The following CFAP107 variants were observed in gnomAD, a reference collection of about 807,000 sequenced individuals.
The protein encoded by CFAP107 is cilia- and flagella-associated protein 107.
the CFAP107 span, among the ~76,000 whole-genome samples, chr1:12,754,343 T>C: frequency 6.6e-6 from 1 of 152,234 alleles, no homozygotes; most frequent in South Asian, 2.1e-4. Flanking sequence ...CACCCTTTAG[T>C]ATGGCTAGTA....
the CFAP107 span, chr1:12,746,312 G>T: frequency 1.5e-6 from 1 of 670,708 alleles, no homozygotes. Flanking sequence ...AGCCATTCAG[G>T]AGGCCAGCTG....
At chr1:12,750,330 C>T in the CFAP107 span, among the ~76,000 whole-genome samples, 1 of 152,114 alleles carries the variant, frequency 6.6e-6, no homozygotes, top group South Asian at 2.1e-4. Flanking sequence ...CAAAAATCTA[C>T]AAGACATACA....
the CFAP107 span, among the ~76,000 whole-genome samples, chr1:12,757,370 T>TC: frequency 6.9e-6 from 1 of 145,724 alleles, no homozygotes; most frequent in African/African-American, 2.6e-5. Context: ...TCTTTTTCTT[T>TC]TTTTTCCTTT....
At chr1:12,763,509 C>T in the CFAP107 span, 6 of 152,146 alleles carry the variant, frequency 3.9e-5, no homozygotes, top group African/African-American at 1.2e-4. Context: ...TGGCTTGGGC[C>T]ATGGGGGCAA....
chr1:12,746,575 A>C, the CFAP107 span: 1 of 1,468,264 alleles, frequency 6.8e-7, no homozygotes, highest in Non-Finnish European at 9.5e-7. Flanking sequence ...GAGAGGGCTC[A>C]GAGGGACTGA....
chr1:12,759,279 A>C, the CFAP107 span: 265 of 1,607,320 alleles, frequency 1.6e-4, no homozygotes, highest in Admixed American at 3.3e-4. Flanking sequence ...CGCTCCTATC[A>C]GTAACGAGCC....
chr1:12,749,539 A>T, the CFAP107 span, among the ~76,000 whole-genome samples: 2 of 152,184 alleles, frequency 1.3e-5, no homozygotes, highest in African/African-American at 4.8e-5. Flanking sequence ...TGAGCCTGGG[A>T]GGTGGAGGTT....
At chr1:12,755,579 C>T in the CFAP107 span, 1 of 724,404 alleles carries the variant, frequency 1.4e-6, no homozygotes, top group Non-Finnish European at 2.5e-6. Context: ...GGCAGGGTGT[C>T]CAGGGGTTTA....
the CFAP107 span, chr1:12,746,248 C>G: frequency 8.1e-6 from 4 of 493,858 alleles, no homozygotes; most frequent in East Asian, 1.5e-4. Flanking sequence ...TAAAGGCTGA[C>G]AGTGAACTCT....
chr1:12,759,488 G>A, the CFAP107 span: 10 of 1,614,096 alleles, frequency 6.2e-6, no homozygotes, highest in East Asian at 2.2e-5. Context: ...CCCCTTCTTG[G>A]TACCTTTATA....
the CFAP107 span, among the ~76,000 whole-genome samples, chr1:12,750,519 A>G: frequency 6.6e-6 from 1 of 152,212 alleles, no homozygotes; most frequent in African/African-American, 2.4e-5. Flanking sequence ...ATGTAAGTTG[A>G]AAGTGAAAGG....
At chr1:12,761,206 C>T in the CFAP107 span, 10 of 389,928 alleles carry the variant, frequency 2.6e-5, no homozygotes, top group South Asian at 6.7e-4. Context: ...CAGATTCAGA[C>T]TGTCAGAGAA....
the CFAP107 span, among the ~76,000 whole-genome samples, chr1:12,756,764 A>C: frequency 1.3e-5 from 2 of 152,174 alleles, no homozygotes; most frequent in Non-Finnish European, 2.9e-5. Flanking sequence ...GGGACCCAAG[A>C]GATTCATTCA....
the CFAP107 span, among the ~76,000 whole-genome samples, chr1:12,754,703 C>T: frequency 1.5e-4 from 23 of 152,342 alleles, 1 homozygote; most frequent in African/African-American, 5.5e-4. Flanking sequence ...CTGACACATG[C>T]TATCAAATGG....
At chr1:12,761,543 G>GTT in the CFAP107 span, 25,957 of 141,038 alleles carry the variant, frequency 0.18, 2,575 homozygotes, top group Middle Eastern at 0.26. Context: ...TTTTTTTTTT[G>GTT]TTTTTTTTTT....
At chr1:12,746,586 T>C in the CFAP107 span, 4,139 of 1,371,446 alleles carry the variant, frequency 3.0e-3, 111 homozygotes, top group African/African-American at 0.048. Context: ...GAGGGACTGA[T>C]GGGGAGAGGC....
chr1:12,750,647 T>C, the CFAP107 span, among the ~76,000 whole-genome samples: 1 of 152,050 alleles, frequency 6.6e-6, no homozygotes, highest in African/African-American at 2.4e-5. Context: ...TATATATTGA[T>C]AAAAGGGCCA....
At chr1:12,759,320 A>AT in the CFAP107 span, 1 of 1,613,764 alleles carries the variant, frequency 6.2e-7, no homozygotes, top group Non-Finnish European at 8.5e-7. Flanking sequence ...GGGCTACCTT[A>AT]CAAACACCTG....
chr1:12,758,202 G>GT, the CFAP107 span, among the ~76,000 whole-genome samples: 1 of 148,590 alleles, frequency 6.7e-6, no homozygotes, highest in East Asian at 1.9e-4. Context: ...CTTGAGAACT[G>GT]TAAGTAACAA....
Sources: gnomAD v4.1 joint callset for allele counts (sites outside exome capture counted in the v4.1 genomes callset) on GRCh38, gnomAD v4.1.1 for gene constraint, MANE v1.5 for transcripts, NCBI Gene and HGNC (gene_info 2026-07-23, HGNC 2026-07-21) for gene names.